ROBO1: variants seen among roughly 807,000 people sequenced by gnomAD.
ROBO1 encodes roundabout homolog 1.
Under a neutral mutation model 195.9 loss-of-function variants are expected in ROBO1, and 149 were observed. The observed-to-expected ratio is 0.76, with a 90% CI of 0.67 to 0.87. The LOEUF (loss-of-function observed/expected upper bound fraction) is 0.87, where lower values mean the gene tolerates loss of function less well. Among genes scored for constraint, ROBO1 ranks in the 40% least tolerant of loss-of-function variants. The pLI, the probability that ROBO1 is intolerant of heterozygous loss-of-function variation, is 0.00. For missense variants in ROBO1, 1,933 were observed against 2,068.3 expected (o/e 0.93, Z 1.27); for synonymous variants, 816 against 733.2 (o/e 1.11, Z -1.82).
intron 1 of ROBO1, among the ~76,000 whole-genome samples, chr3:79,631,914 A>G (rs1386826407): frequency 2.6e-5 from 4 of 152,148 alleles, no homozygotes; most frequent in Non-Finnish European, 5.9e-5. Flanking sequence ...TGCAAGTTAA[A>G]CCACAGTGAG....
chr3:79,531,375 C>T (rs1941655223), intron 2 of ROBO1, among the ~76,000 whole-genome samples: 1 of 152,110 alleles, frequency 6.6e-6, no homozygotes, highest in Non-Finnish European at 1.5e-5. Context: ...TAATCCCCAG[C>T]ACTTTGGGAG....
intron 10 of ROBO1, among the ~76,000 whole-genome samples, chr3:78,681,024 T>A (rs2080890891): frequency 6.6e-6 from 1 of 151,802 alleles, no homozygotes; most frequent in South Asian, 2.1e-4. Flanking sequence ...TGAGTTCATG[T>A]CCTTTGTAGG....
chr3:78,854,334 A>G (rs2106904113), intron 4 of ROBO1, among the ~76,000 whole-genome samples: 1 of 148,168 alleles, frequency 6.7e-6, no homozygotes, highest in South Asian at 2.1e-4. Flanking sequence ...TATATTTATT[A>G]CTATTATATA....
At chr3:78,794,380 T>C (rs1404955857) in intron 4 of ROBO1, among the ~76,000 whole-genome samples, 1 of 152,190 alleles carries the variant, frequency 6.6e-6, no homozygotes, top group African/African-American at 2.4e-5. Flanking sequence ...TAACTACTGT[T>C]GTCTTATTTT....
chr3:78,917,699 A>G (rs1307501173), intron 4 of ROBO1, among the ~76,000 whole-genome samples: 4 of 152,236 alleles, frequency 2.6e-5, no homozygotes, highest in Non-Finnish European at 2.9e-5. Flanking sequence ...GGAACTTGGC[A>G]TAAACTCAGA....
At position 79,179,481 on chromosome 3, in the gene ROBO1, T is replaced by G. The variant is rs371872107; in HGVS notation, c.89-53942A>C. On this transcript the variant is annotated intron_variant, in intron 2 of 30. Coordinates refer to ENST00000464233, the MANE Select transcript of ROBO1 (RefSeq NM_002941.4). The stretch of plus-strand genomic sequence containing the variant: ...CTTGCTAAATATCTTAACTGCCTCC[T>G]ATTGCAGACATCAGTAATAACAGAA... Among the ~76,000 whole-genome samples, 161 of 152,322 alleles carry G rather than the reference T, an allele frequency of 1.1e-3. 1 individual carries two copies. Among genetic ancestry groups the G allele is most frequent in the African/African-American group, 3.2e-3 (134 of 41,584 alleles).
At chr3:78,774,618 AATC>A (rs1323606692) in intron 4 of ROBO1, among the ~76,000 whole-genome samples, 58,616 of 151,578 alleles carry the variant, frequency 0.39, 11,367 homozygotes, top group Middle Eastern at 0.49. Context: ...AAAAAAAAAA[AATC>A]TACCACTTGA....
chr3:78,805,824 A>G, intron 4 of ROBO1, among the ~76,000 whole-genome samples: 1 of 152,182 alleles, frequency 6.6e-6, no homozygotes, highest in East Asian at 1.9e-4. Context: ...TTCATAATAC[A>G]TAGTATAGTG....
At chr3:78,860,074 G>C (rs1290936053) in intron 4 of ROBO1, among the ~76,000 whole-genome samples, 1 of 144,158 alleles carries the variant, frequency 6.9e-6, no homozygotes, top group Non-Finnish European at 1.5e-5. Flanking sequence ...GCGAGACTTC[G>C]TCTCAAAAAA....
intron 1 of ROBO1, among the ~76,000 whole-genome samples, chr3:79,718,438 G>A (rs1702574033): frequency 1.3e-5 from 2 of 151,686 alleles, no homozygotes; most frequent in South Asian, 4.2e-4. Flanking sequence ...TTGTGCCAGG[G>A]GATAAATAAC....
chr3:78,949,917 T>C (rs1470701228), intron 3 of ROBO1, among the ~76,000 whole-genome samples: 2 of 152,132 alleles, frequency 1.3e-5, no homozygotes, highest in South Asian at 2.1e-4. Context: ...AAAATGCTCA[T>C]CATCACTGGC....
chr3:79,051,878 C>T (rs1349947107), intron 3 of ROBO1, among the ~76,000 whole-genome samples: 1 of 152,118 alleles, frequency 6.6e-6, no homozygotes, highest in South Asian at 2.1e-4. Context: ...CTTTCCTATT[C>T]CCGTCTTTAC....
rs1939713967 is a variant in ROBO1 at position 79,496,050 on chromosome 3, T to TA, written c.88+93773dup. Among the ~76,000 whole-genome samples the TA allele has an allele frequency of 2.0e-5, 3 of 151,802 alleles. No individual in the cohort carries two copies. The South Asian group carries it at 6.3e-4, about 32-fold the overall frequency. Reference sequence around the variant, plus strand: ...CAACATGGTGAAACCCCGTCTCTACTAAAAATACAAATATTAGCCAGGTGT... The same window carrying TA: ...CAACATGGTGAAACCCCGTCTCTACTAAAAAATACAAATATTAGCCAGGTGT... On this transcript the variant is annotated intron_variant, in intron 2 of 30. Transcript: ENST00000464233.
At chr3:78,902,962 C>T (rs1437533226) in intron 4 of ROBO1, among the ~76,000 whole-genome samples, 1 of 152,076 alleles carries the variant, frequency 6.6e-6, no homozygotes, top group African/African-American at 2.4e-5. Context: ...ATTTTCACAC[C>T]TAAGCCACAG....
Position 78,651,810 on chromosome 3 carries a change from T to G in ROBO1, c.2734A>C (p.Met912Leu), listed in dbSNP as rs758328897. 4.3e-6 allele frequency: 7 copies of G among 1,613,796 alleles called. No homozygotes were observed. Among genetic ancestry groups the G allele is most frequent in the Non-Finnish European group, 5.9e-6 (7 of 1,179,742 alleles). ...GIGAACWIILMVFSIWLYRHR... is the reference protein window; with the variant it reads ...GIGAACWIILLVFSIWLYRHR... ...CGATAAAGCCAGATGCTGAAGACCA[T>G]GAGGATGATCCAACAGGCTGCTCCA... is the stretch of plus-strand genomic sequence containing the variant. The change falls in exon 19 of 31, where the codon ATG becomes CTG. Residue 912 changes from methionine to leucine, a missense_variant. Met to Leu is a conservative substitution (Grantham distance 15). Around this residue, in one of 3 missense-constraint regions of ROBO1, gnomAD observed 1,737 missense variants for 1,882.5 expected, o/e 0.92. Transcript: ENST00000464233.
chr3:79,360,817 C>G (rs1277421270), intron 2 of ROBO1, among the ~76,000 whole-genome samples: 3 of 152,030 alleles, frequency 2.0e-5, no homozygotes, highest in African/African-American at 7.2e-5. Flanking sequence ...GTGCGGAACA[C>G]TTAGATAATA....
intron 5 of ROBO1, among the ~76,000 whole-genome samples, chr3:78,745,464 G>T (rs1234513674): frequency 6.6e-6 from 1 of 152,096 alleles, no homozygotes; most frequent in African/African-American, 2.4e-5. Context: ...GTCATTAAAT[G>T]ATCTAGAATA....
intron 2 of ROBO1, among the ~76,000 whole-genome samples, chr3:79,266,471 G>T (rs1173915680): frequency 6.6e-6 from 1 of 151,410 alleles, no homozygotes; most frequent in Non-Finnish European, 1.5e-5. Flanking sequence ...ACTGACCTGT[G>T]GATCTATTTT....
At chr3:78,837,222 T>C (rs2032817559) in intron 4 of ROBO1, among the ~76,000 whole-genome samples, 1 of 152,170 alleles carries the variant, frequency 6.6e-6, no homozygotes, top group South Asian at 2.1e-4. Flanking sequence ...ATGTTGGATA[T>C]AACCATTCCT....
Sources: allele counts gnomAD v4.1 joint callset (sites outside exome capture counted in the v4.1 genomes callset), GRCh38; gene constraint gnomAD v4.1.1; regional missense constraint gnomAD v4.1.1; transcripts MANE v1.5; gene names NCBI Gene and HGNC (gene_info 2026-07-23, HGNC 2026-07-21).